UBE2Q2: variants seen among roughly 807,000 people sequenced by gnomAD.
UBE2Q2 encodes ubiquitin conjugating enzyme E2 Q2.
In UBE2Q2, 54 loss-of-function variants were observed where a neutral mutation model predicts 59.9. The ratio of observed to expected loss-of-function variants is 0.90; its 90% CI spans 0.72 to 1.13. The LOEUF (loss-of-function observed/expected upper bound fraction) is 1.13. Ranked by LOEUF, UBE2Q2 falls within the 50% of genes most tolerant of loss-of-function variation. The pLI, the probability that UBE2Q2 is intolerant of heterozygous loss-of-function variation, is 0.00. For missense variants in UBE2Q2, 433 were observed against 441.9 expected, an observed-to-expected ratio of 0.98 and a Z score of 0.18; for synonymous variants, 165 against 155.2, an observed-to-expected ratio of 1.06 and a Z score of -0.47.
chr15:75,851,681 G>A (rs1196551905), intron 1 of UBE2Q2, among the ~76,000 whole-genome samples: 2 of 152,020 alleles, frequency 1.3e-5, no homozygotes, highest in East Asian at 1.9e-4. Context: ...AAATAACATC[G>A]TCAGTTATCC....
At chr15:75,878,986 A>G in intron 7 of UBE2Q2, 112 bp from the exon 8 acceptor site, 1 of 650,180 alleles carries the variant, frequency 1.5e-6, no homozygotes, top group Admixed American at 3.4e-5. Flanking sequence ...TCTTTCTGGA[A>G]CTTGCCCTAG....
chr15:75,876,843 T>G (rs1465987737), intron 6 of UBE2Q2, among the ~76,000 whole-genome samples: 1 of 152,158 alleles, frequency 6.6e-6, no homozygotes, highest in African/African-American at 2.4e-5. Flanking sequence ...TATTAAATAA[T>G]GAGCCAAACT....
At chr15:75,859,201 ATTC>A (rs1243578870) in intron 2 of UBE2Q2, among the ~76,000 whole-genome samples, 14 of 152,370 alleles carry the variant, frequency 9.2e-5, no homozygotes, top group African/African-American at 3.4e-4. Context: ...ATTTACAGTT[ATTC>A]TTTGCAGTTT....
At chr15:75,843,916 A>G in intron 1 of UBE2Q2, 70 bp downstream of exon 1, 2 of 1,464,580 alleles carry the variant, frequency 1.4e-6, no homozygotes, top group Non-Finnish European at 1.8e-6. Flanking sequence ...GTCCCGGGAC[A>G]AAGGGGAGCC....
chr15:75,872,324 GA>G (rs35840590), intron 4 of UBE2Q2, among the ~76,000 whole-genome samples: 41 of 145,390 alleles, frequency 2.8e-4, no homozygotes, highest in South Asian at 4.3e-4. Context: ...CCTGCTTGGG[GA>G]AAAAAAAAAA....
intron 3 of UBE2Q2, 111 bp from the exon 4 acceptor site, chr15:75,868,840 A>C: frequency 5.0e-6 from 4 of 800,676 alleles, no homozygotes; most frequent in Non-Finnish European, 8.4e-6. Context: ...ACTGTCTGGT[A>C]GTGGGACTCC....
rs199802547 is a variant in UBE2Q2 at position 75,859,947 on chromosome 15, G to C, written c.352G>C (p.Val118Leu). The C allele has an allele frequency of 6.2e-7, 1 of 1,604,282 alleles. No individual in the cohort carries two copies. Among genetic ancestry groups the C allele is most frequent in the Non-Finnish European group, 8.5e-7 (1 of 1,177,038 alleles). ...SLYNLPKHLD[V>L]EMLDQPLPTG... ...ATATAACCTTCCTAAGCACCTGGAT[G>C]TTGAGATGCTAGATCAACCACTACC... The change falls in exon 3 of 13, where the codon GTT becomes CTT. Residue 118 changes from valine (V) to leucine (L), a missense_variant. Transcript: ENST00000267938.
intron 3 of UBE2Q2, among the ~76,000 whole-genome samples, chr15:75,864,237 C>CT (rs1036009097): frequency 5.3e-5 from 8 of 151,964 alleles, no homozygotes; most frequent in African/African-American, 1.9e-4. Context: ...ACTTGGAAAG[C>CT]TTTACATCTT....
At chr15:75,876,910 A>G (rs1366699553) in intron 6 of UBE2Q2, among the ~76,000 whole-genome samples, 1 of 152,152 alleles carries the variant, frequency 6.6e-6, no homozygotes, top group Non-Finnish European at 1.5e-5. Context: ...TAATCCCTGC[A>G]CTTTGGGAGG....
intron 1 of UBE2Q2, among the ~76,000 whole-genome samples, chr15:75,854,153 C>G (rs574573521): frequency 1.8e-4 from 27 of 152,188 alleles, no homozygotes; most frequent in African/African-American, 6.0e-4. Context: ...AGGCTGCCTA[C>G]CAGTGTTGAA....
chr15:75,850,938 CA>C (rs1595853590), intron 1 of UBE2Q2, among the ~76,000 whole-genome samples: 1 of 152,082 alleles, frequency 6.6e-6, no homozygotes. Flanking sequence ...TTTTCTAAGC[CA>C]AAAAATAGAA....
At chr15:75,853,490 TTATATA>T (rs35429355) in intron 1 of UBE2Q2, among the ~76,000 whole-genome samples, 1 of 148,290 alleles carries the variant, frequency 6.7e-6, no homozygotes, top group Non-Finnish European at 1.5e-5. Context: ...GAAAAAAAAA[TTATATA>T]TATATATATA....
intron 6 of UBE2Q2, among the ~76,000 whole-genome samples, chr15:75,877,360 G>A (rs547723860): frequency 2.0e-5 from 3 of 151,906 alleles, no homozygotes; most frequent in Admixed American, 1.3e-4. Flanking sequence ...GTGTCCTTAC[G>A]GTTTTTTGTG....
intron 2 of UBE2Q2, among the ~76,000 whole-genome samples, chr15:75,859,262 T>G (rs1405368835): frequency 5.9e-5 from 9 of 151,858 alleles, no homozygotes; most frequent in Admixed American, 5.9e-4. Context: ...AAGAGCCTAC[T>G]AAATATCAAG....
Position 75,896,973 on chromosome 15 carries a change from A to T in UBE2Q2, c.1030-22A>T, listed in dbSNP as rs762186061. 35 of 1,475,546 alleles carry T rather than the reference A, an allele frequency of 2.4e-5. No homozygotes were observed. The East Asian group carries it at 8.2e-4, about 35-fold the overall frequency. 91.4% of individuals were successfully genotyped at this position (1,475,546 alleles called of 1,614,324 possible). ...TTTCACCTAATTACACTTTTGATTT[A>T]AAATGTGTAATTCTCTTTCAGAATC... On this transcript the variant is annotated intron_variant, in intron 11 of 12. Coordinates refer to ENST00000267938, the MANE Select transcript of UBE2Q2 (RefSeq NM_173469.4).
intron 3 of UBE2Q2, among the ~76,000 whole-genome samples, chr15:75,868,477 A>G (rs191932805): frequency 3.9e-5 from 6 of 152,302 alleles, no homozygotes; most frequent in Non-Finnish European, 5.9e-5. Context: ...TGAAATGTCT[A>G]TTATCAATAA....
chr15:75,855,612 A>T (rs1342482427), intron 2 of UBE2Q2, among the ~76,000 whole-genome samples: 1 of 152,204 alleles, frequency 6.6e-6, no homozygotes, highest in Non-Finnish European at 1.5e-5. Context: ...AACCAACTGA[A>T]AAAAAGAGTT....
At chr15:75,844,155 C>T (rs1030772600) in intron 1 of UBE2Q2, 37 of 1,433,874 alleles carry the variant, frequency 2.6e-5, no homozygotes, top group Admixed American at 5.6e-5. Context: ...CTTGTGGGGT[C>T]CATGGCCGCC....
intron 12 of UBE2Q2, among the ~76,000 whole-genome samples, chr15:75,898,612 GCTACTAA>G (rs1899569179): frequency 6.6e-6 from 1 of 152,166 alleles, no homozygotes; most frequent in Non-Finnish European, 1.5e-5. Context: ...AGTTTGGCCT[GCTACTAA>G]CTCTGATTTT....
Sources: allele counts gnomAD v4.1 joint callset (sites outside exome capture counted in the v4.1 genomes callset), GRCh38; gene constraint gnomAD v4.1.1; transcripts MANE v1.5; gene names NCBI Gene and HGNC (gene_info 2026-07-23, HGNC 2026-07-21).